The following CERKL variants were observed in gnomAD, a reference collection of about 807,000 sequenced individuals.
The protein encoded by CERKL is CERK like autophagy regulator, also known as ceramide kinase-like protein.
A neutral mutation model predicts 63.4 loss-of-function variants in CERKL; 61 were observed. That is an observed-to-expected ratio of 0.96 (90% CI 0.78 to 1.19). The LOEUF (loss-of-function observed/expected upper bound fraction) is 1.19, where lower values mean the gene tolerates loss of function less well. CERKL is among the 50% of genes most tolerant of loss of function. CERKL has a pLI of 0.00. For missense variants in CERKL, 675 were observed against 655.5 expected, an observed-to-expected ratio of 1.03 and a Z score of -0.33; for synonymous variants, 250 against 230.5, an observed-to-expected ratio of 1.08 and a Z score of -0.77.
In CERKL at chr2:181,550,638, CTGGATTTTGTTAA is replaced by C. The variant is rs1687942249; in HGVS notation, c.821-943_821-931del. ...GGTTATGAAGGCAAAGACCAGTCCTCTGGATTTTGTTAATCAGAAGCATTCCTATGTGATCATA... is the reference window on the plus strand; with the variant it reads ...GGTTATGAAGGCAAAGACCAGTCCTCTCAGAAGCATTCCTATGTGATCATA... On this transcript the variant is annotated intron_variant, in intron 5 of 12. Coordinates refer to ENST00000410087, the MANE Select transcript of CERKL (RefSeq NM_201548.5). The surrounding 1 kb of genome is among the most constrained non-coding windows in gnomAD (Gnocchi z 4.5). Among the ~76,000 whole-genome samples, 1 of 152,162 alleles carries C rather than the reference CTGGATTTTGTTAA, an allele frequency of 6.6e-6. No homozygotes were observed. Among genetic ancestry groups the C allele is most frequent in the South Asian group, 2.1e-4 (1 of 4,828 alleles).
At chr2:181,598,089 A>G (rs1274756120) in intron 2 of CERKL, among the ~76,000 whole-genome samples, 2 of 152,196 alleles carry the variant, frequency 1.3e-5, no homozygotes, top group African/African-American at 4.8e-5. Context: ...GGGCCAGCAC[A>G]GGTACTCGAA....
At chr2:181,631,769 G>A (rs150837421) in intron 1 of CERKL, among the ~76,000 whole-genome samples, 2 of 152,154 alleles carry the variant, frequency 1.3e-5, no homozygotes, top group African/African-American at 2.4e-5. Context: ...AAGGGCTCTC[G>A]AGTATGGAAA....
chr2:181,539,453 GTTCT>G (rs1467111307), intron 11 of CERKL, among the ~76,000 whole-genome samples, 189 bp from the exon 12 acceptor site: 2 of 152,016 alleles, frequency 1.3e-5, no homozygotes, highest in Non-Finnish European at 2.9e-5. Context: ...AGCCTTTTGG[GTTCT>G]TTTAGATCTA....
intron 3 of CERKL, among the ~76,000 whole-genome samples, chr2:181,572,369 T>C (rs1222715694): frequency 1.3e-5 from 2 of 152,198 alleles, no homozygotes; most frequent in Non-Finnish European, 2.9e-5. Context: ...TCCTGCACTA[T>C]GTTGAACACA....
chr2:181,641,025 G>A (rs1380328214), intron 1 of CERKL, among the ~76,000 whole-genome samples: 2 of 152,106 alleles, frequency 1.3e-5, no homozygotes, highest in Non-Finnish European at 2.9e-5. Context: ...AGCATATTTA[G>A]GAATAACATT....
At chr2:181,650,128 AGGAAGG>A (rs1687855156) in intron 1 of CERKL, 4 of 134,304 alleles carry the variant, frequency 3.0e-5, no homozygotes, top group Admixed American at 7.1e-5. Flanking sequence ...GAAGGAAGGA[AGGAAGG>A]AAGGAAGGAA....
chr2:181,537,707 A>T lies in CERKL; in HGVS notation c.*477T>A, dbSNP rs1055569507. The T allele has an allele frequency of 2.4e-6, 1 of 425,138 alleles. No homozygotes were observed. Among genetic ancestry groups the T allele is most frequent in the African/African-American group, 2.1e-5 (1 of 47,352 alleles). 26.3% of individuals were successfully genotyped at this position (425,138 alleles called of 1,614,324 possible). A position where few individuals can be genotyped will look rare whatever the true frequency, so the allele number is the denominator to read the frequency against. The stretch of plus-strand genomic sequence containing the variant: ...AATATTGATGTATTATGATGGTTGC[A>T]AAGTTTTTTTGTGTGTCCAATAAAC... On this transcript the variant is annotated 3_prime_UTR_variant, in exon 13 of 13. Coordinates refer to ENST00000410087, the MANE Select transcript of CERKL (RefSeq NM_201548.5).
intron 3 of CERKL, among the ~76,000 whole-genome samples, chr2:181,566,526 C>G (rs1346389887): frequency 6.6e-6 from 1 of 152,144 alleles, no homozygotes; most frequent in African/African-American, 2.4e-5. Context: ...GGCAACCTTA[C>G]ATGAATAAAT....
At chr2:181,559,748 C>G (rs1360285963) in intron 4 of CERKL, among the ~76,000 whole-genome samples, 1 of 152,140 alleles carries the variant, frequency 6.6e-6, no homozygotes, top group Admixed American at 6.6e-5. Flanking sequence ...GTTACTGGTT[C>G]TCTAAGTTTA....
chr2:181,654,160 TAAAAA>T (rs553111069), intron 1 of CERKL, among the ~76,000 whole-genome samples: 2 of 143,232 alleles, frequency 1.4e-5, no homozygotes, highest in Non-Finnish European at 3.1e-5. Flanking sequence ...TTTCTCTACT[TAAAAA>T]AAAAAAAAAT....
At position 181,656,977 on chromosome 2, in the gene CERKL, C is replaced by T; in HGVS notation, c.30G>A (p.Val10=). The change falls in exon 1 of 13, where the codon GTG becomes GTA. Residue 10 remains valine, a synonymous_variant. Coordinates refer to ENST00000410087, the MANE Select transcript of CERKL (RefSeq NM_201548.5). Reference sequence around the variant, plus strand: ...CCTCCCGGCCGCCCTCCAGGGCACTCACCCGGTTCCTGCGCCTCCTCCAGG... The same window carrying T: ...CCTCCCGGCCGCCCTCCAGGGCACTTACCCGGTTCCTGCGCCTCCTCCAGG... MPWRRRRNR[V]SALEGGREEE... 6.3e-7 allele frequency: 1 copy of T among 1,583,368 alleles called. No individual in the cohort carries two copies. Among genetic ancestry groups the T allele is most frequent in the South Asian group, 1.1e-5 (1 of 88,728 alleles).
At chr2:181,584,443 C>A (rs1196236569) in intron 2 of CERKL, among the ~76,000 whole-genome samples, 1 of 151,850 alleles carries the variant, frequency 6.6e-6, no homozygotes, top group Non-Finnish European at 1.5e-5. Flanking sequence ...TATCAAGAGT[C>A]TGAGGCTTCC....
chr2:181,635,136 A>T (rs1036342995), intron 1 of CERKL, among the ~76,000 whole-genome samples: 1 of 152,192 alleles, frequency 6.6e-6, no homozygotes, highest in African/African-American at 2.4e-5. Flanking sequence ...TGAGTCTGGC[A>T]TGTACCTACA....
In CERKL at chr2:181,632,525, G is replaced by A. The variant is rs371129722; in HGVS notation, c.238+24244C>T. On this transcript the variant is annotated intron_variant, in intron 1 of 12. Coordinates refer to ENST00000410087, the MANE Select transcript of CERKL (RefSeq NM_201548.5). ...AAAAGAACATCAAGTAAACAATTAC[G>A]GGTGCACCTGTTCAGGGTGTCATAC... Among the ~76,000 whole-genome samples, 549 of 152,198 alleles carry A rather than the reference G, an allele frequency of 3.6e-3. 2 individuals are homozygous for A. Among genetic ancestry groups the A allele is most frequent in the African/African-American group, 0.012 (516 of 41,518 alleles).
intron 6 of CERKL, 28 bp downstream of exon 6, chr2:181,549,606 A>G: frequency 1.3e-6 from 2 of 1,515,642 alleles, no homozygotes; most frequent in Non-Finnish European, 1.8e-6. Flanking sequence ...TCCTTATAAA[A>G]TATGAACTGC....
intron 1 of CERKL, among the ~76,000 whole-genome samples, chr2:181,609,187 C>T (rs1036915684): frequency 2.6e-5 from 4 of 151,484 alleles, no homozygotes; most frequent in East Asian, 1.9e-4. Context: ...ACATGTGCCA[C>T]GCTGGTGTGC....
intron 4 of CERKL, among the ~76,000 whole-genome samples, chr2:181,562,300 T>G (rs1422423008): frequency 6.6e-6 from 1 of 152,152 alleles, no homozygotes; most frequent in Non-Finnish European, 1.5e-5. Context: ...TACCCTACAT[T>G]TATCGATTTA....
At chr2:181,648,616 G>A (rs929325078) in intron 1 of CERKL, among the ~76,000 whole-genome samples, 1 of 152,146 alleles carries the variant, frequency 6.6e-6, no homozygotes, top group African/African-American at 2.4e-5. Context: ...CTCACCAATA[G>A]AGGTAAATGT....
intron 1 of CERKL, among the ~76,000 whole-genome samples, chr2:181,634,963 T>C (rs1258350121): frequency 1.3e-5 from 2 of 152,158 alleles, no homozygotes; most frequent in African/African-American, 4.8e-5. Context: ...TGAATGCTAA[T>C]TAAACATTAC....
Sources: gnomAD v4.1 joint callset for allele counts (sites outside exome capture counted in the v4.1 genomes callset) on GRCh38, gnomAD v4.1.1 for gene constraint, Gnocchi (gnomAD v3.1) non-coding constraint, MANE v1.5 for transcripts, NCBI Gene and HGNC (gene_info 2026-07-23, HGNC 2026-07-21) for gene names.